PDE6A: variants seen among roughly 807,000 people sequenced by gnomAD.
PDE6A encodes phosphodiesterase 6A.
In PDE6A, 84 loss-of-function variants were observed where a neutral mutation model predicts 106.3. That is an observed-to-expected ratio of 0.79 (90% CI 0.66 to 0.95). The LOEUF is 0.95. PDE6A is among the 40% of genes least tolerant of loss of function. The probability of loss-of-function intolerance (pLI) is 0.00; values close to 1 mark genes in which losing one functional copy is unlikely to be tolerated. For synonymous variants in PDE6A, 394 were observed against 386.6 expected, an observed-to-expected ratio of 1.02 and a Z score of -0.23; for missense variants, 1,052 against 1,084.9, an observed-to-expected ratio of 0.97 and a Z score of 0.43.
intron 2 of PDE6A, 106 bp from the exon 3 acceptor site, chr5:149,934,125 G>A (rs574007582): frequency 8.2e-6 from 6 of 735,326 alleles, no homozygotes; most frequent in South Asian, 4.5e-5. Context: ...CTTCATCAGA[G>A]ACAATTTGGG....
chr5:149,938,380 G>A (rs142555489), intron 1 of PDE6A, among the ~76,000 whole-genome samples: 10 of 152,276 alleles, frequency 6.6e-5, no homozygotes, highest in Middle Eastern at 3.4e-3. Flanking sequence ...TACAAATGAC[G>A]GTCATCTCAG....
chr5:149,890,938 C>T (rs574293119), intron 13 of PDE6A, among the ~76,000 whole-genome samples: 2 of 152,266 alleles, frequency 1.3e-5, no homozygotes, highest in South Asian at 4.1e-4. Context: ...AGTCAAGTTA[C>T]CTATGATAAC....
chr5:149,879,113 C>G (rs1400933636), intron 17 of PDE6A, among the ~76,000 whole-genome samples: 1 of 151,416 alleles, frequency 6.6e-6, no homozygotes, highest in Non-Finnish European at 1.5e-5. Flanking sequence ...GCTCTGTCAC[C>G]CAGGCTGGAG....
chr5:149,869,818 G>A (rs1581151295), intron 17 of PDE6A, among the ~76,000 whole-genome samples: 1 of 152,216 alleles, frequency 6.6e-6, no homozygotes, highest in South Asian at 2.1e-4. Flanking sequence ...CTGCGGCGGG[G>A]TGAGACCAAT....
chr5:149,916,133 C>T (rs956648562), intron 5 of PDE6A, among the ~76,000 whole-genome samples: 1 of 152,130 alleles, frequency 6.6e-6, no homozygotes, highest in African/African-American at 2.4e-5. Flanking sequence ...CCACCATGCC[C>T]GGCCTCATTT....
chr5:149,868,868 C>G (rs1760431537), intron 17 of PDE6A, among the ~76,000 whole-genome samples: 1 of 152,110 alleles, frequency 6.6e-6, no homozygotes, highest in Admixed American at 6.6e-5. Context: ...GTTAGCTTTT[C>G]TGATTTAGGA....
At chr5:149,880,346 G>C (rs1159246610) in intron 17 of PDE6A, among the ~76,000 whole-genome samples, 2 of 152,276 alleles carry the variant, frequency 1.3e-5, no homozygotes, top group Admixed American at 1.3e-4. Flanking sequence ...TCCTTTCAAT[G>C]ATTTAGTCCT....
chr5:149,896,300 A>G, intron 12 of PDE6A, 56 bp downstream of exon 12: 1 of 1,434,236 alleles, frequency 7.0e-7, no homozygotes, highest in African/African-American at 1.4e-5. Flanking sequence ...TTTTTTTTAA[A>G]GCAAGCAAGA....
intron 7 of PDE6A, among the ~76,000 whole-genome samples, chr5:149,906,058 A>G (rs1010444884): frequency 2.6e-5 from 4 of 151,580 alleles, no homozygotes; most frequent in Non-Finnish European, 5.9e-5. Context: ...GAGTCTTGGT[A>G]TGTTGCCCAA....
chr5:149,886,446 T>A, intron 13 of PDE6A, 72 bp from the exon 14 acceptor site: 2 of 1,134,984 alleles, frequency 1.8e-6, no homozygotes, highest in Non-Finnish European at 2.6e-6. Context: ...AAGGCGGGTG[T>A]AAGGAGGAGG....
intron 20 of PDE6A, among the ~76,000 whole-genome samples, chr5:149,865,346 G>C (rs1023922073): frequency 6.6e-5 from 10 of 151,574 alleles, no homozygotes; most frequent in South Asian, 4.2e-4. Context: ...GGAGGTCAAG[G>C]CTGCTGTAAG....
intron 17 of PDE6A, among the ~76,000 whole-genome samples, chr5:149,869,261 C>T (rs1456002841): frequency 1.4e-5 from 2 of 144,670 alleles, no homozygotes; most frequent in African/African-American, 5.2e-5. Context: ...ACTCGGGAGG[C>T]GGAGGTTGCA....
chr5:149,883,584 C>T (rs781735143), intron 16 of PDE6A, 48 bp from the exon 17 acceptor site: 2 of 1,230,012 alleles, frequency 1.6e-6, no homozygotes, highest in South Asian at 1.2e-5. Context: ...TAGAATAAGG[C>T]AACACCTGAG....
intron 7 of PDE6A, among the ~76,000 whole-genome samples, chr5:149,904,071 A>T (rs1199341008): frequency 6.6e-6 from 1 of 152,162 alleles, no homozygotes; most frequent in African/African-American, 2.4e-5. Context: ...ATGTGGTGAA[A>T]CCCTGTCTCT....
intron 17 of PDE6A, among the ~76,000 whole-genome samples, chr5:149,880,983 A>C (rs1760900290): frequency 1.3e-5 from 2 of 152,120 alleles, no homozygotes; most frequent in African/African-American, 4.8e-5. Context: ...GAATTGCTTG[A>C]ACCCAGGAGG....
chr5:149,894,971 G>C (rs763649186), intron 13 of PDE6A, among the ~76,000 whole-genome samples: 1 of 152,156 alleles, frequency 6.6e-6, no homozygotes, highest in Non-Finnish European at 1.5e-5. Context: ...GACTGAGGTT[G>C]GGGGTAGCTT....
rs952382210 is a variant in PDE6A, at chr5:149,858,312, A to G, written c.*2583T>C. The G allele has an allele frequency of 1.3e-5, 2 of 152,190 alleles. No individual in the cohort carries two copies. The highest frequency in any genetic ancestry group is 4.8e-5 in the African/African-American group (2 of 41,458). 9.4% of individuals were successfully genotyped at this position (152,190 alleles called of 1,614,324 possible). On this transcript the variant is annotated 3_prime_UTR_variant, in exon 22 of 22. Transcript: ENST00000255266. Reference sequence around the variant, plus strand: ...AAGGAAAAAAAATCAAGATTTGGACAAGTGTAACAAATTGACTTGCAAATT... The same window carrying G: ...AAGGAAAAAAAATCAAGATTTGGACGAGTGTAACAAATTGACTTGCAAATT...
chr5:149,893,712 C>T (rs780925534), intron 13 of PDE6A, among the ~76,000 whole-genome samples: 5 of 152,214 alleles, frequency 3.3e-5, no homozygotes, highest in Non-Finnish European at 5.9e-5. Context: ...GCTATGCAGA[C>T]TTATGAGTGG....
intron 1 of PDE6A, 107 bp downstream of exon 1, chr5:149,944,093 T>C (rs796341565): frequency 1.3e-5 from 10 of 791,798 alleles, no homozygotes; most frequent in African/African-American, 1.0e-4. Flanking sequence ...AGAAGCACCA[T>C]GTTGTCACCA....
Sources: gnomAD v4.1 joint callset for allele counts (sites outside exome capture counted in the v4.1 genomes callset) on GRCh38, gnomAD v4.1.1 for gene constraint, MANE v1.5 for transcripts, NCBI Gene and HGNC (gene_info 2026-07-23, HGNC 2026-07-21) for gene names.